Variants in TOX4 observed in about 807,000 individuals in gnomAD.
The protein encoded by TOX4 is TOX high mobility group box family member 4, also known as epidermal Langerhans cell protein LCP1.
A neutral mutation model predicts 61.0 loss-of-function variants in TOX4; 12 were observed. The ratio of observed to expected loss-of-function variants is 0.20; its 90% confidence interval spans 0.13 to 0.32. The LOEUF is 0.32. Among genes scored for constraint, TOX4 ranks in the 10% least tolerant of loss-of-function variants. TOX4 has a pLI of 1.00. For missense variants in TOX4, 499 were observed against 753.3 expected, an observed-to-expected ratio of 0.66 and a Z score of 3.95; for synonymous variants, 268 against 274.8, an observed-to-expected ratio of 0.98 and a Z score of 0.24.
intron 4 of TOX4, 52 bp from the exon 5 acceptor site, chr14:21,489,121 A>G: frequency 1.3e-6 from 2 of 1,566,914 alleles, no homozygotes; most frequent in South Asian, 1.2e-5. Flanking sequence ...GTTTCCAGAC[A>G]TAATACTTGT....
chr14:21,494,139 T>C (rs1431301150), intron 7 of TOX4, among the ~76,000 whole-genome samples: 1 of 152,208 alleles, frequency 6.6e-6, no homozygotes, highest in East Asian at 1.9e-4. Context: ...GGACAGGATA[T>C]AGCCTAAACA....
At chr14:21,485,951 C>G (rs112994336) in intron 2 of TOX4, among the ~76,000 whole-genome samples, 2,594 of 104,564 alleles carry the variant, frequency 0.025, 848 homozygotes, top group African/African-American at 0.09. Context: ...TCTGTAAGCC[C>G]AACACTTTGG....
chr14:21,479,044 C>T (rs1359066645), intron 2 of TOX4, among the ~76,000 whole-genome samples: 2 of 150,896 alleles, frequency 1.3e-5, no homozygotes, highest in African/African-American at 4.9e-5. Flanking sequence ...CTCCTGGCCT[C>T]AAGTGATCTG....
At chr14:21,491,532 T>G (rs894320960) in intron 5 of TOX4, among the ~76,000 whole-genome samples, 10 of 145,126 alleles carry the variant, frequency 6.9e-5, no homozygotes, top group African/African-American at 2.3e-4. Flanking sequence ...CTAGTTTTGT[T>G]TTTGTTTTTT....
At position 21,487,440 on chromosome 14, in the gene TOX4, T is replaced by G; in HGVS notation, c.76-11T>G. 1.2e-6 allele frequency: 2 copies of G among 1,611,200 alleles called. No individual in the cohort carries two copies. Among genetic ancestry groups the G allele is most frequent in the South Asian group, 2.2e-5 (2 of 90,980 alleles). The stretch of plus-strand genomic sequence containing the variant: ...TTTCACTAATTCTTTTCCCCCTTTT[T>G]TCCCCTACAGACATTCCATACACCA... On this transcript the variant is annotated splice_polypyrimidine_tract_variant and intron_variant, in intron 2 of 8. Coordinates refer to ENST00000448790, the MANE Select transcript of TOX4 (RefSeq NM_014828.4).
At chr14:21,480,543 T>G (rs1216937965) in intron 2 of TOX4, among the ~76,000 whole-genome samples, 1 of 152,114 alleles carries the variant, frequency 6.6e-6, no homozygotes, top group African/African-American at 2.4e-5. Context: ...AAAAAAAGTT[T>G]TTTTTTACAA....
chr14:21,480,044 G>T lies in TOX4; in HGVS notation c.75+2480G>T, dbSNP rs139475650. 2.0e-3 allele frequency among the ~76,000 whole-genome samples: 303 copies of T among 152,136 alleles called. 3 individuals are homozygous for T. The highest frequency in any genetic ancestry group is 6.8e-3 in the Middle Eastern group (2 of 294). On this transcript the variant is annotated intron_variant, in intron 2 of 8. Transcript: ENST00000448790. ...GACAGGATCTCACCATGTTGTCCAG[G>T]CTGGTCTCAAATTCCTAGGCTCAAG...
intron 8 of TOX4, 127 bp downstream of exon 8, chr14:21,495,519 T>C: frequency 8.7e-7 from 1 of 1,155,342 alleles, no homozygotes; most frequent in Non-Finnish European, 1.2e-6. Context: ...TTGCTGTATC[T>C]GGTCTACTAG....
At chr14:21,495,551 C>T in intron 8 of TOX4, 159 bp downstream of exon 8, 1 of 762,050 alleles carries the variant, frequency 1.3e-6, no homozygotes. Flanking sequence ...TGCTTAAGAG[C>T]TTACATTTGC....
At position 21,498,490 on chromosome 14, in the gene TOX4, AAG is replaced by A; in HGVS notation, c.*1887_*1888del. 1.1e-6 allele frequency: 1 copy of A among 902,356 alleles called. No homozygotes were observed. The highest frequency in any genetic ancestry group is 2.3e-4 in the Middle Eastern group (1 of 4,372). 55.9% of individuals were successfully genotyped at this position (902,356 alleles called of 1,614,324 possible). A position where few individuals can be genotyped will look rare whatever the true frequency, so the allele number is the denominator to read the frequency against. The stretch of plus-strand genomic sequence containing the variant: ...TCATATCAAATATGCCAATTCTAAA[AAG>A]AGCTTAACATTAGAATAGTATATGG... On this transcript the variant is annotated 3_prime_UTR_variant, in exon 9 of 9. Coordinates refer to ENST00000448790, the MANE Select transcript of TOX4 (RefSeq NM_014828.4).
Position 21,498,927 on chromosome 14 carries a change from T to A in TOX4, c.*2321T>A. ...GCTTATGAATCCTGTGAAGCTCATTTATGGACTAGTGTAAAACAATGTGAA... is the reference window on the plus strand; with the variant it reads ...GCTTATGAATCCTGTGAAGCTCATTAATGGACTAGTGTAAAACAATGTGAA... On this transcript the variant is annotated 3_prime_UTR_variant, in exon 9 of 9. Transcript: ENST00000448790. 1.3e-6 allele frequency: 1 copy of A among 782,594 alleles called. No homozygotes were observed. The highest frequency in any genetic ancestry group is 2.2e-6 in the Non-Finnish European group (1 of 457,376). 48.5% of individuals were successfully genotyped at this position (782,594 alleles called of 1,614,324 possible). A position where few individuals can be genotyped will look rare whatever the true frequency, so the allele number is the denominator to read the frequency against.
intron 2 of TOX4, among the ~76,000 whole-genome samples, chr14:21,483,583 G>T (rs1175075519): frequency 6.6e-6 from 1 of 151,982 alleles, no homozygotes; most frequent in African/African-American, 2.4e-5. Flanking sequence ...AGGCCAAGGT[G>T]GGAAGATCAC....
chr14:21,495,843 T>C (rs1461412655), intron 8 of TOX4: 1 of 153,532 alleles, frequency 6.5e-6, no homozygotes, highest in African/African-American at 2.4e-5. Context: ...TTCCTATAGC[T>C]GTAGGACAAG....
chr14:21,488,669 C>G lies in TOX4; in HGVS notation c.398C>G (p.Ser133Cys), dbSNP rs750681913. The change falls in exon 4 of 9, where the codon TCT becomes TGT. Residue 133 changes from serine to cysteine, a missense_variant. Coordinates refer to ENST00000448790, the MANE Select transcript of TOX4 (RefSeq NM_014828.4). ...GATGTACCAATGACAGACATGACAT[C>G]TGGCTTGATGGGGCATAGCCAGTTG... ...TIDVPMTDMT[S>C]GLMGHSQLTT... 4 of 1,614,170 alleles carry G rather than the reference C, an allele frequency of 2.5e-6. No individual in the cohort carries two copies. The highest frequency in any genetic ancestry group is 3.4e-6 in the Non-Finnish European group (4 of 1,180,040).
intron 2 of TOX4, 84 bp downstream of exon 2, chr14:21,477,648 G>A: frequency 3.3e-6 from 5 of 1,494,278 alleles, no homozygotes; most frequent in Non-Finnish European, 4.6e-6. Flanking sequence ...ACGGACTCCG[G>A]GGACGGGGGC....
chr14:21,494,004 C>A (rs1322697384), intron 7 of TOX4, among the ~76,000 whole-genome samples: 1 of 152,170 alleles, frequency 6.6e-6, no homozygotes, highest in African/African-American at 2.4e-5. Context: ...CCGCTTCGGC[C>A]TCCCAGAGTG....
At chr14:21,487,430 T>C in intron 2 of TOX4, 21 bp from the exon 3 acceptor site, 1 of 1,609,742 alleles carries the variant, frequency 6.2e-7, no homozygotes, top group African/African-American at 1.3e-5. Context: ...CTAATTCTTT[T>C]CCCCCTTTTT....
intron 2 of TOX4, among the ~76,000 whole-genome samples, chr14:21,478,312 G>C (rs535153156): frequency 6.6e-6 from 1 of 152,202 alleles, no homozygotes; most frequent in Non-Finnish European, 1.5e-5. Flanking sequence ...CTAATGTCAG[G>C]AGGAAAGGAA....
chr14:21,492,945 A>G lies in TOX4; in HGVS notation c.1329A>G (p.Leu443=), dbSNP rs183880751. Reference sequence around the variant, plus strand: ...CTATGCAACTGCCTCCACCCCGACTACAGCCCCCTCCATTACAACAGATGC... The same window carrying G: ...CTATGCAACTGCCTCCACCCCGACTGCAGCCCCCTCCATTACAACAGATGC... ...AASMQLPPPR[L]QPPPLQQMPQ... The change falls in exon 7 of 9, where the codon CTA becomes CTG. Residue 443 remains leucine (L), a synonymous_variant. Transcript: ENST00000448790. The G allele has an allele frequency of 3.8e-5, 62 of 1,613,142 alleles. No homozygotes were observed. The African/African-American group carries it at 4.8e-4, about 13-fold the overall frequency.
Sources: allele counts gnomAD v4.1 joint callset (sites outside exome capture counted in the v4.1 genomes callset), GRCh38; gene constraint gnomAD v4.1.1; transcripts MANE v1.5; gene names NCBI Gene and HGNC (gene_info 2026-07-23, HGNC 2026-07-21).